GUCY1A2: variants seen among roughly 807,000 people sequenced by gnomAD.
GUCY1A2 encodes the protein guanylate cyclase soluble subunit alpha-2.
GUCY1A2 carries 27 observed loss-of-function variants against 63.5 expected under a neutral mutation model. The ratio of observed to expected loss-of-function variants is 0.43; its 90% CI spans 0.31 to 0.59. The LOEUF (loss-of-function observed/expected upper bound fraction) is 0.59, where lower values mean the gene tolerates loss of function less well. Ranked by LOEUF, GUCY1A2 falls within the 20% of genes least tolerant of loss-of-function variation. The probability of loss-of-function intolerance (pLI) is 0.11; values close to 1 mark genes in which losing one functional copy is unlikely to be tolerated. For missense variants in GUCY1A2, 768 were observed against 913.3 expected (o/e 0.84, Z 2.05); for synonymous variants, 364 against 343.5 (o/e 1.06, Z -0.66).
intron 4 of GUCY1A2, among the ~76,000 whole-genome samples, chr11:106,846,020 C>A (rs1307948319): frequency 6.6e-6 from 1 of 151,526 alleles, no homozygotes; most frequent in Non-Finnish European, 1.5e-5. Context: ...TTAACCTAAT[C>A]TAATCATGAG....
At chr11:106,733,246 T>TA (rs1863533936) in intron 6 of GUCY1A2, among the ~76,000 whole-genome samples, 1 of 152,170 alleles carries the variant, frequency 6.6e-6, no homozygotes, top group East Asian at 1.9e-4. Flanking sequence ...ATGTACTTTT[T>TA]ATATACATAA....
At chr11:106,885,005 T>C (rs1310763426) in intron 4 of GUCY1A2, among the ~76,000 whole-genome samples, 1 of 152,036 alleles carries the variant, frequency 6.6e-6, no homozygotes, top group Non-Finnish European at 1.5e-5. Flanking sequence ...CTTCAGAAAA[T>C]TTACTCCCAA....
intron 4 of GUCY1A2, among the ~76,000 whole-genome samples, chr11:106,836,032 C>A (rs989220198): frequency 6.6e-6 from 1 of 151,878 alleles, no homozygotes. Flanking sequence ...CCAAATGATT[C>A]TTTGTATTGA....
At chr11:106,962,989 G>A (rs559520730) in intron 3 of GUCY1A2, among the ~76,000 whole-genome samples, 65 of 152,004 alleles carry the variant, frequency 4.3e-4, no homozygotes, top group African/African-American at 1.5e-3. Flanking sequence ...GACTTTACAC[G>A]CCTATTAGTT....
chr11:106,890,013 G>A (rs549201634), intron 4 of GUCY1A2, among the ~76,000 whole-genome samples: 107 of 152,192 alleles, frequency 7.0e-4, no homozygotes, highest in African/African-American at 2.2e-3. Flanking sequence ...CTAAAATGAT[G>A]CATCTCTGTA....
At position 106,694,361 on chromosome 11, in the gene GUCY1A2, T is replaced by C. The variant is rs1489346580; in HGVS notation, c.1992-6605A>G. ...TGTGACCCAAAATTTGTTCTCCCTT[T>C]ATTTATTAGTAATAAAGTTCTACAA... On this transcript the variant is annotated intron_variant, in intron 7 of 7. Coordinates refer to ENST00000526355, the MANE Select transcript of GUCY1A2 (RefSeq NM_000855.3). Among the ~76,000 whole-genome samples, 4 of 152,324 alleles carry C rather than the reference T, an allele frequency of 2.6e-5. No homozygotes were observed. The South Asian group carries it at 8.3e-4, about 32-fold the overall frequency.
chr11:106,789,226 A>T (rs1864617474), intron 5 of GUCY1A2, among the ~76,000 whole-genome samples: 1 of 152,188 alleles, frequency 6.6e-6, no homozygotes, highest in Non-Finnish European at 1.5e-5. Flanking sequence ...GCTTGTCTTC[A>T]AGCTCACTAA....
At chr11:106,977,101 A>G (rs1447666095) in intron 3 of GUCY1A2, among the ~76,000 whole-genome samples, 2 of 152,210 alleles carry the variant, frequency 1.3e-5, no homozygotes, top group East Asian at 3.8e-4. Flanking sequence ...GAAAGACGTG[A>G]GGGTCAGGAA....
chr11:106,917,805 A>T (rs1295655340), intron 4 of GUCY1A2, among the ~76,000 whole-genome samples: 1 of 26,762 alleles, frequency 3.7e-5, no homozygotes, highest in Non-Finnish European at 6.9e-5. Flanking sequence ...GGGTGGGGGG[A>T]GGGGGGAGGG....
At chr11:106,912,607 A>C (rs918277532) in intron 4 of GUCY1A2, among the ~76,000 whole-genome samples, 5 of 152,222 alleles carry the variant, frequency 3.3e-5, no homozygotes, top group Admixed American at 1.3e-4. Context: ...TTAACTGTGC[A>C]GTTCTCTATA....
chr11:106,916,054 T>G (rs951692856), intron 4 of GUCY1A2, among the ~76,000 whole-genome samples: 8 of 145,546 alleles, frequency 5.5e-5, no homozygotes, highest in African/African-American at 2.0e-4. Context: ...TGCACTAACA[T>G]CAGCACACTA....
intron 5 of GUCY1A2, among the ~76,000 whole-genome samples, chr11:106,798,609 C>T (rs1257075862): frequency 6.6e-6 from 1 of 152,196 alleles, no homozygotes; most frequent in Non-Finnish European, 1.5e-5. Context: ...GCTGGCTCAA[C>T]ATATGCAAAT....
At chr11:106,823,748 A>G (rs192680934) in intron 4 of GUCY1A2, among the ~76,000 whole-genome samples, 30 of 152,204 alleles carry the variant, frequency 2.0e-4, no homozygotes, top group Admixed American at 1.6e-3. Flanking sequence ...CGACTTTTTA[A>G]TAATAGCCAT....
intron 4 of GUCY1A2, among the ~76,000 whole-genome samples, chr11:106,884,461 G>C (rs948332081): frequency 1.3e-5 from 2 of 152,138 alleles, no homozygotes; most frequent in Non-Finnish European, 2.9e-5. Context: ...GAGTGAGAGA[G>C]AGCATGGGAA....
intron 6 of GUCY1A2, among the ~76,000 whole-genome samples, chr11:106,753,464 CCTAGGTTTTCTT>C (rs1863918458): frequency 6.6e-6 from 1 of 152,094 alleles, no homozygotes; most frequent in Non-Finnish European, 1.5e-5. Flanking sequence ...AATGGTATTG[CCTAGGTTTTCTT>C]CTAGGGTTTT....
At chr11:106,913,998 A>T (rs1442874563) in intron 4 of GUCY1A2, among the ~76,000 whole-genome samples, 1 of 151,292 alleles carries the variant, frequency 6.6e-6, no homozygotes, top group Non-Finnish European at 1.5e-5. Flanking sequence ...AAAAAAAAAA[A>T]AAAAAGAAAG....
At chr11:106,753,688 G>A (rs559920629) in intron 6 of GUCY1A2, among the ~76,000 whole-genome samples, 6 of 152,144 alleles carry the variant, frequency 3.9e-5, no homozygotes, top group Admixed American at 3.3e-4. Context: ...TATTTCTGAG[G>A]CCTCTGTTCT....
chr11:106,997,616 A>G (rs1861556076), intron 1 of GUCY1A2, among the ~76,000 whole-genome samples: 1 of 19,470 alleles, frequency 5.1e-5, no homozygotes. Flanking sequence ...CAAGATAGGG[A>G]ACCCCCCCCC....
intron 4 of GUCY1A2, 47 bp from the exon 5 acceptor site, chr11:106,810,525 G>A (rs1427818177): frequency 2.0e-6 from 3 of 1,473,228 alleles, no homozygotes; most frequent in Non-Finnish European, 2.7e-6. Context: ...CACATAGTAG[G>A]TTCACAAAAT....
Sources: gnomAD v4.1 joint callset for allele counts (sites outside exome capture counted in the v4.1 genomes callset) on GRCh38, gnomAD v4.1.1 for gene constraint, MANE v1.5 for transcripts, NCBI Gene and HGNC (gene_info 2026-07-23, HGNC 2026-07-21) for gene names.